Variants in CCDC7 observed in about 807,000 individuals in gnomAD.
The protein encoded by CCDC7 is coiled-coil domain-containing protein 7.
CCDC7 carries 183 observed loss-of-function variants against 196.9 expected under a neutral mutation model. The observed-to-expected ratio is 0.93, with a 90% CI of 0.82 to 1.05. The LOEUF is 1.05. Among genes scored for constraint, CCDC7 ranks in the 50% least tolerant of loss-of-function variants. CCDC7 has a pLI of 0.00. For synonymous variants in CCDC7, 525 were observed against 484.6 expected, an observed-to-expected ratio of 1.08 and a Z score of -1.10; for missense variants, 1,540 against 1,482.2, an observed-to-expected ratio of 1.04 and a Z score of -0.64.
At chr10:32,584,122 G>A (rs2059003266) in intron 17 of CCDC7, 110 bp from the exon 19 acceptor site, 4 of 429,580 alleles carry the variant, frequency 9.3e-6, no homozygotes, top group Non-Finnish European at 1.6e-5. Context: ...CATTGTAGAT[G>A]AGAGCAAAAA....
At chr10:32,663,879 A>G (rs371213421) in intron 20 of CCDC7, among the ~76,000 whole-genome samples, 175 bp from the exon 22 acceptor site, 15 of 152,088 alleles carry the variant, frequency 9.9e-5, no homozygotes, top group East Asian at 5.8e-4. Flanking sequence ...TTCACCTCAG[A>G]TCCTTTAAAG....
At chr10:32,659,591 A>T (rs1368934267) in intron 20 of CCDC7, among the ~76,000 whole-genome samples, 1 of 152,220 alleles carries the variant, frequency 6.6e-6, no homozygotes, top group African/African-American at 2.4e-5. Flanking sequence ...AATATCCAGC[A>T]TCTATACGAA....
intron 18 of CCDC7, among the ~76,000 whole-genome samples, chr10:32,598,103 G>A (rs556409743): frequency 6.6e-6 from 1 of 152,326 alleles, no homozygotes; most frequent in Non-Finnish European, 1.5e-5. Flanking sequence ...GCCCTGAGAG[G>A]TGGAGTCTAC....
In CCDC7 at chr10:32,664,641, A is replaced by G. The variant is rs567276198; in HGVS notation, c.2122+480A>G. ...CTTTATTTAACATTATGTTCTCCACATTCATCCATATTATCACAAAAGACA... is the reference window on the plus strand; with the variant it reads ...CTTTATTTAACATTATGTTCTCCACGTTCATCCATATTATCACAAAAGACA... On this transcript the variant is annotated intron_variant, in intron 21 of 41. Transcript: ENST00000639629. 2.6e-5 allele frequency among the ~76,000 whole-genome samples: 4 copies of G among 152,144 alleles called. No individual in the cohort carries two copies. The South Asian group carries it at 6.2e-4, about 24-fold the overall frequency.
At chr10:32,661,031 A>G (rs536203067) in intron 20 of CCDC7, among the ~76,000 whole-genome samples, 1 of 144,470 alleles carries the variant, frequency 6.9e-6, no homozygotes, top group South Asian at 2.3e-4. Flanking sequence ...CATCAGAGTG[A>G]ACAGGCAACC....
chr10:32,838,388 C>A (rs990738198), intron 33 of CCDC7, among the ~76,000 whole-genome samples: 2 of 152,034 alleles, frequency 1.3e-5, no homozygotes, highest in Non-Finnish European at 2.9e-5. Context: ...GAAGAAAGAA[C>A]TTCAGAGCTC....
At chr10:32,858,267 A>G (rs1202351058) in intron 41 of CCDC7, among the ~76,000 whole-genome samples, 1 of 152,210 alleles carries the variant, frequency 6.6e-6, no homozygotes, top group African/African-American at 2.4e-5. Flanking sequence ...AAATCGCACT[A>G]GAAGGAGTAT....
At chr10:32,850,045 A>G (rs544772366) in intron 39 of CCDC7, among the ~76,000 whole-genome samples, 1 of 152,284 alleles carries the variant, frequency 6.6e-6, no homozygotes, top group Non-Finnish European at 1.5e-5. Flanking sequence ...CTTTGTTGCC[A>G]TGGGAGGAAT....
At chr10:32,544,895 T>C (rs2052154879) in intron 13 of CCDC7, among the ~76,000 whole-genome samples, 1 of 152,220 alleles carries the variant, frequency 6.6e-6, no homozygotes, top group African/African-American at 2.4e-5. Flanking sequence ...ATTTCTTTTT[T>C]TTTGGATTTA....
At position 32,639,871 on chromosome 10, in the gene CCDC7, C is replaced by A. The variant is rs185793755; in HGVS notation, c.2014+4713C>A. On this transcript the variant is annotated intron_variant, in intron 20 of 41. Transcript: ENST00000639629. ...TGACCTCGTGATCCGCCTGCCTCGG[C>A]CTCCCAAATTGCTGGGATTACAAGC... is the stretch of plus-strand genomic sequence containing the variant. Among the ~76,000 whole-genome samples, 21 of 152,248 alleles carry A rather than the reference C, an allele frequency of 1.4e-4. No individual in the cohort carries two copies. The East Asian group carries it at 4.1e-3, about 29-fold the overall frequency.
At chr10:32,851,686 T>A (rs1593448537) in intron 39 of CCDC7, 121 bp from the exon 41 acceptor site, 9 of 987,528 alleles carry the variant, frequency 9.1e-6, no homozygotes, top group Non-Finnish European at 1.3e-5. Flanking sequence ...TCAGTTTTTT[T>A]AAATGTTTGC....
chr10:32,762,945 A>T (rs181767298), intron 28 of CCDC7, among the ~76,000 whole-genome samples: 1 of 152,050 alleles, frequency 6.6e-6, no homozygotes, highest in Admixed American at 6.6e-5. Context: ...CTTGATATTG[A>T]TCTTGGCAAT....
chr10:32,640,101 A>G (rs2139805808), intron 20 of CCDC7, among the ~76,000 whole-genome samples: 1 of 151,914 alleles, frequency 6.6e-6, no homozygotes, highest in Middle Eastern at 3.4e-3. Context: ...ATCCTTGTTA[A>G]CTTTCTGTCT....
rs559255167 is a variant in CCDC7, at chr10:32,613,506, G to A, written c.1802-20748G>A. 3.3e-5 allele frequency among the ~76,000 whole-genome samples: 5 copies of A among 152,130 alleles called. No homozygotes were observed. In the East Asian group the frequency reaches 9.7e-4, roughly 29 times the overall value. On this transcript the variant is annotated intron_variant, in intron 18 of 41. Coordinates refer to ENST00000639629, the Ensembl canonical transcript of CCDC7. ...TCTAGTTCTTTTAATTGTGATGTTA[G>A]GGTGTTGATTTTAGATCTTTCCTGC...
intron 24 of CCDC7, among the ~76,000 whole-genome samples, chr10:32,699,409 T>C (rs1453881245): frequency 6.6e-6 from 1 of 151,960 alleles, no homozygotes; most frequent in East Asian, 1.9e-4. Flanking sequence ...CTGCATAGTA[T>C]TCCATGGTGT....
intron 28 of CCDC7, among the ~76,000 whole-genome samples, chr10:32,772,245 G>T (rs1170241222): frequency 6.6e-6 from 1 of 152,168 alleles, no homozygotes; most frequent in African/African-American, 2.4e-5. Context: ...AAGAGTTTGT[G>T]CAGGGAGTGG....
At chr10:32,661,664 A>T (rs371981500) in intron 20 of CCDC7, among the ~76,000 whole-genome samples, 60 of 152,106 alleles carry the variant, frequency 3.9e-4, no homozygotes, top group African/African-American at 1.4e-3. Context: ...ATGTGTCTAG[A>T]AGTGTCATCC....
chr10:32,709,437 T>TA (rs1213852066), intron 24 of CCDC7, among the ~76,000 whole-genome samples: 1 of 152,154 alleles, frequency 6.6e-6, no homozygotes, highest in African/African-American at 2.4e-5. Flanking sequence ...TCCTGCACGT[T>TA]ATGCACATGT....
chr10:32,833,345 C>A (rs2092360295), intron 32 of CCDC7, among the ~76,000 whole-genome samples: 1 of 33,440 alleles, frequency 3.0e-5, no homozygotes, highest in Non-Finnish European at 1.2e-4. Flanking sequence ...GATATATTAC[C>A]CTTTTTTTAA....
Sources: allele counts gnomAD v4.1 joint callset (sites outside exome capture counted in the v4.1 genomes callset), GRCh38; gene constraint gnomAD v4.1.1; transcripts MANE v1.5; gene names NCBI Gene and HGNC (gene_info 2026-07-23, HGNC 2026-07-21).